Variants in PTPRC observed in about 807,000 individuals in gnomAD.
PTPRC encodes the protein protein tyrosine phosphatase receptor type C.
In PTPRC, 44 loss-of-function variants were observed where a neutral mutation model predicts 155.9. That is an observed-to-expected ratio of 0.28 (90% CI 0.22 to 0.36). The LOEUF is 0.36. Among genes scored for constraint, PTPRC ranks in the 10% least tolerant of loss-of-function variants. The probability of loss-of-function intolerance (pLI) is 1.00; values close to 1 mark genes in which losing one functional copy is unlikely to be tolerated. For synonymous variants in PTPRC, 525 were observed against 533.1 expected (o/e 0.98, Z 0.21); for missense variants, 1,401 against 1,564.6 (o/e 0.90, Z 1.76).
intron 8 of PTPRC, among the ~76,000 whole-genome samples, chr1:198,706,055 G>T (rs1652943937): frequency 6.6e-6 from 1 of 152,124 alleles, no homozygotes; most frequent in African/African-American, 2.4e-5. Flanking sequence ...ACTTGCCTTT[G>T]AATTCCTAGT....
intron 13 of PTPRC, 37 bp from the exon 14 acceptor site, chr1:198,718,057 T>C: frequency 6.6e-7 from 1 of 1,510,010 alleles, no homozygotes. Context: ...ATGCATCTAT[T>C]AAATTATTAA....
intron 2 of PTPRC, among the ~76,000 whole-genome samples, chr1:198,653,689 C>T (rs1012083612): frequency 2.6e-5 from 4 of 151,796 alleles, no homozygotes; most frequent in African/African-American, 9.7e-5. Flanking sequence ...AAATACTTCC[C>T]ATGGATCATC....
At chr1:198,681,471 G>T (rs1328056712) in intron 2 of PTPRC, among the ~76,000 whole-genome samples, 1 of 152,116 alleles carries the variant, frequency 6.6e-6, no homozygotes, top group Non-Finnish European at 1.5e-5. Context: ...GTTTCCTACT[G>T]GTAGGGTCGT....
chr1:198,693,603 T>C (rs750704405), intron 3 of PTPRC, among the ~76,000 whole-genome samples: 36 of 152,168 alleles, frequency 2.4e-4, no homozygotes, highest in Non-Finnish European at 4.4e-4. Context: ...ACCAGGTAAG[T>C]TAAAACTGTT....
chr1:198,707,491 C>T (rs1003650276), intron 9 of PTPRC, among the ~76,000 whole-genome samples: 1 of 152,112 alleles, frequency 6.6e-6, no homozygotes, highest in Non-Finnish European at 1.5e-5. Context: ...GGGGAAGCAT[C>T]TCTTAGCCAA....
chr1:198,665,644 A>C (rs1664249902), intron 2 of PTPRC, among the ~76,000 whole-genome samples: 1 of 152,338 alleles, frequency 6.6e-6, no homozygotes, highest in East Asian at 1.9e-4. Context: ...ATATGTTTCC[A>C]AGAACAGATA....
rs1350521936 is a variant in PTPRC, at chr1:198,718,194, T to C, written c.1551T>C (p.Arg517=). 17 of 1,613,892 alleles carry C rather than the reference T, an allele frequency of 1.1e-5. No homozygotes were observed. Among genetic ancestry groups the C allele is most frequent in the Non-Finnish European group, 1.4e-5 (16 of 1,179,812 alleles). ...PPRDRNGPHE[R]YHLEVEAGNT... ...GGGACCGTAATGGCCCCCATGAACG[T>C]TACCATTTGGAAGTTGAAGCTGGAA... Residue 517 remains arginine (R), a synonymous_variant, in exon 14 of 33, where the codon CGT becomes CGC. Coordinates refer to ENST00000442510, the MANE Select transcript of PTPRC (RefSeq NM_002838.5).
intron 2 of PTPRC, among the ~76,000 whole-genome samples, chr1:198,675,088 G>A (rs1664875210): frequency 1.3e-5 from 2 of 152,042 alleles, no homozygotes; most frequent in African/African-American, 4.8e-5. Flanking sequence ...CCTCTGAGAT[G>A]TTATTCACAG....
At chr1:198,683,018 G>A (rs779285463) in intron 2 of PTPRC, among the ~76,000 whole-genome samples, 12 of 152,128 alleles carry the variant, frequency 7.9e-5, no homozygotes, top group Non-Finnish European at 1.5e-4. Flanking sequence ...ACAGTGCAAT[G>A]CAGTTGAACA....
At chr1:198,715,685 C>G (rs1374982351) in intron 12 of PTPRC, among the ~76,000 whole-genome samples, 6 of 151,422 alleles carry the variant, frequency 4.0e-5, no homozygotes, top group Non-Finnish European at 8.8e-5. Context: ...CTCTGTGGCT[C>G]AGTTTTGTCA....
chr1:198,667,440 T>A (rs923879129), intron 2 of PTPRC, among the ~76,000 whole-genome samples: 2 of 152,138 alleles, frequency 1.3e-5, no homozygotes, highest in Non-Finnish European at 2.9e-5. Flanking sequence ...AGTTTCCCAA[T>A]GTACAAAGAC....
chr1:198,702,424 T>A lies in PTPRC; in HGVS notation c.477T>A (p.Pro159=). 1.2e-6 allele frequency: 2 copies of A among 1,614,178 alleles called. No homozygotes were observed. Among genetic ancestry groups the A allele is most frequent in the Non-Finnish European group, 1.7e-6 (2 of 1,180,028 alleles). ...AGAGGAGTACAGCCAGCACCTTTCC[T>A]ACAGACCCAGTTTCCCCATTGACAA... is the stretch of plus-strand genomic sequence containing the variant. The part of the protein sequence containing the change: ...PGERSTASTF[P]TDPVSPLTTT... Residue 159 remains proline, a synonymous_variant, in exon 6 of 33, where the codon CCT becomes CCA. Coordinates refer to ENST00000442510, the MANE Select transcript of PTPRC (RefSeq NM_002838.5).
Position 198,706,727 on chromosome 1 carries a change from C to A in PTPRC, c.686-7C>A, listed in dbSNP as rs1652991728. On this transcript the variant is annotated splice_polypyrimidine_tract_variant and splice_region_variant and intron_variant, in intron 8 of 32. Coordinates refer to ENST00000442510, the MANE Select transcript of PTPRC (RefSeq NM_002838.5). ...AAAATAACACTCAATGTTCTATTTT[C>A]TTTTAGATGAAAAATATGCAAACAT... is the stretch of plus-strand genomic sequence containing the variant. The A allele has an allele frequency of 6.2e-7, 1 of 1,603,808 alleles. No homozygotes were observed. Among genetic ancestry groups the A allele is most frequent in the Admixed American group, 1.7e-5 (1 of 59,816 alleles).
intron 23 of PTPRC, among the ~76,000 whole-genome samples, chr1:198,738,765 A>G (rs1654765491): frequency 1.3e-5 from 2 of 151,740 alleles, no homozygotes; most frequent in Admixed American, 1.3e-4. Flanking sequence ...TGTGGTAGTG[A>G]AGCCATTAGG....
At chr1:198,710,488 C>T (rs1653238808) in intron 11 of PTPRC, among the ~76,000 whole-genome samples, 1 of 152,162 alleles carries the variant, frequency 6.6e-6, no homozygotes, top group Non-Finnish European at 1.5e-5. Flanking sequence ...GGGATTCTTT[C>T]AGGGATTGCA....
At chr1:198,704,008 A>G (rs1666600603) in intron 7 of PTPRC, 1 of 174,698 alleles carries the variant, frequency 5.7e-6, no homozygotes, top group Non-Finnish European at 1.2e-5. Context: ...GTAGATGTGC[A>G]AAGAGCTTAC....
At chr1:198,740,661 T>C (rs927880065) in intron 23 of PTPRC, among the ~76,000 whole-genome samples, 6 of 151,654 alleles carry the variant, frequency 4.0e-5, no homozygotes, top group Non-Finnish European at 8.8e-5. Context: ...CAGTCAGAGA[T>C]GAAAAAAGAG....
Position 198,742,617 on chromosome 1 carries a change from A to G in PTPRC, c.2697+250A>G, listed in dbSNP as rs576929559. Among the ~76,000 whole-genome samples the G allele has an allele frequency of 6.6e-5, 10 of 152,004 alleles. 1 individual carries two copies. The South Asian group carries it at 2.1e-3, about 31-fold the overall frequency. On this transcript the variant is annotated intron_variant, in intron 25 of 32. Transcript: ENST00000442510. ...TTTAAAATAATGAACTACTGTTAAC[A>G]TATATCAGATTGGCAAAAAAAGTAA...
At chr1:198,728,824 G>GA (rs1654261110) in intron 16 of PTPRC, among the ~76,000 whole-genome samples, 1 of 152,086 alleles carries the variant, frequency 6.6e-6, no homozygotes, top group Non-Finnish European at 1.5e-5. Flanking sequence ...CACATCTTAT[G>GA]AAAAACAGAA....
Sources: gnomAD v4.1 joint callset for allele counts (sites outside exome capture counted in the v4.1 genomes callset) on GRCh38, gnomAD v4.1.1 for gene constraint, MANE v1.5 for transcripts, NCBI Gene and HGNC (gene_info 2026-07-23, HGNC 2026-07-21) for gene names.